Variants in APP observed in about 807,000 individuals in gnomAD.
APP encodes the protein amyloid-beta precursor protein.
APP carries 31 observed loss-of-function variants against 101.4 expected under a neutral mutation model. The ratio of observed to expected loss-of-function variants is 0.31; its 90% CI spans 0.23 to 0.41. APP has a LOEUF of 0.41. APP is among the 10% of genes least tolerant of loss of function. The pLI is 1.00. For missense variants in APP, 839 were observed against 1,003.7 expected (o/e 0.84, Z 2.22); for synonymous variants, 366 against 364.4 (o/e 1.00, Z -0.05).
intron 13 of APP, among the ~76,000 whole-genome samples, chr21:25,944,559 G>A (rs2234983): frequency 0.14 from 21,309 of 152,132 alleles, 1,803 homozygotes; most frequent in Middle Eastern, 0.19. Context: ...TCCAAACTCC[G>A]TCTCACATGA....
At chr21:25,912,051 G>C in intron 13 of APP, 89 bp from the exon 14 acceptor site, 1 of 968,892 alleles carries the variant, frequency 1.0e-6, no homozygotes, top group Non-Finnish European at 1.7e-6. Flanking sequence ...TGCCAGGCAA[G>C]ACTTCAACTG....
chr21:26,167,932 G>C (rs114756038), intron 1 of APP, among the ~76,000 whole-genome samples: 2,120 of 152,190 alleles, frequency 0.014, 47 homozygotes, highest in African/African-American at 0.049. Context: ...CATCAAACCT[G>C]AGCTTTACTA....
chr21:26,144,781 G>A (rs981927086), intron 1 of APP, among the ~76,000 whole-genome samples: 1 of 152,140 alleles, frequency 6.6e-6, no homozygotes, highest in Non-Finnish European at 1.5e-5. Context: ...ATGTCAACTT[G>A]AAAAATGATA....
At chr21:26,124,623 T>C (rs892813793) in intron 1 of APP, among the ~76,000 whole-genome samples, 1 of 152,198 alleles carries the variant, frequency 6.6e-6, no homozygotes, top group African/African-American at 2.4e-5. Flanking sequence ...TTGTCAGAGA[T>C]TTCAGTGTAA....
rs71183538 is a variant in APP at position 26,004,275 on chromosome 21, C to CTTT, written c.866-4096_866-4094dup. Among the ~76,000 whole-genome samples, 266 of 72,782 alleles carry CTTT rather than the reference C, an allele frequency of 3.7e-3. 1 individual carries two copies. The highest frequency in any genetic ancestry group is 4.5e-3 in the African/African-American group (85 of 18,716). 47.7% of individuals were successfully genotyped at this position (72,782 alleles called of 152,430 possible). On this transcript the variant is annotated intron_variant, in intron 6 of 17. Coordinates refer to ENST00000346798, the MANE Select transcript of APP (RefSeq NM_000484.4). Reference sequence around the variant, plus strand: ...TATGCAGGGTCTCTTTGTATTAATTCTTTTTTTTTTTTTTTTTTTTTTTTT... The same window carrying CTTT: ...TATGCAGGGTCTCTTTGTATTAATTCTTTTTTTTTTTTTTTTTTTTTTTTTTTT...
At chr21:25,990,522 G>A (rs2040279) in intron 8 of APP, among the ~76,000 whole-genome samples, 9,307 of 152,166 alleles carry the variant, frequency 0.061, 931 homozygotes, top group African/African-American at 0.21. Flanking sequence ...TCTTGACTTC[G>A]TTAATGGAGG....
chr21:26,098,465 T>C (rs1296419115), intron 2 of APP, among the ~76,000 whole-genome samples: 1 of 152,122 alleles, frequency 6.6e-6, no homozygotes, highest in Non-Finnish European at 1.5e-5. Context: ...AAAAACTTTG[T>C]AAAGCCATAT....
intron 1 of APP, among the ~76,000 whole-genome samples, chr21:26,123,259 T>C (rs979932962): frequency 7.9e-5 from 12 of 152,224 alleles, no homozygotes; most frequent in African/African-American, 2.7e-4. Flanking sequence ...ATAACTCTCA[T>C]ACTGTTGTGG....
At chr21:25,968,334 T>TG (rs1290374543) in intron 11 of APP, among the ~76,000 whole-genome samples, 2 of 149,660 alleles carry the variant, frequency 1.3e-5, no homozygotes, top group African/African-American at 2.5e-5. Flanking sequence ...TTTTTTTTTT[T>TG]TTTTTTTGTA....
chr21:25,959,655 C>T (rs8127122), intron 11 of APP, among the ~76,000 whole-genome samples: 5,103 of 152,190 alleles, frequency 0.034, 271 homozygotes, highest in African/African-American at 0.12. Context: ...TCCATTATTC[C>T]TTAGCTAATG....
chr21:26,072,483 A>G (rs1405651810), intron 3 of APP, among the ~76,000 whole-genome samples: 1 of 152,224 alleles, frequency 6.6e-6, no homozygotes, highest in Admixed American at 6.5e-5. Context: ...AAGTTGAAGT[A>G]TCTGAAATAC....
chr21:26,090,259 T>A (rs574948003), intron 2 of APP, among the ~76,000 whole-genome samples, 187 bp from the exon 3 acceptor site: 1 of 152,160 alleles, frequency 6.6e-6, no homozygotes, highest in African/African-American at 2.4e-5. Flanking sequence ...TACTTACTGG[T>A]TGAGCATCTG....
At chr21:26,114,984 T>C (rs2062404260) in intron 1 of APP, among the ~76,000 whole-genome samples, 1 of 152,188 alleles carries the variant, frequency 6.6e-6, no homozygotes, top group Non-Finnish European at 1.5e-5. Context: ...AATAACTTGA[T>C]TACGGCGCTA....
At chr21:25,976,055 T>TA in intron 9 of APP, 27 bp from the exon 10 acceptor site, 2 of 1,566,216 alleles carry the variant, frequency 1.3e-6, no homozygotes, top group Non-Finnish European at 1.8e-6. Flanking sequence ...CATTTGAATT[T>TA]AAAATCATCA....
At chr21:26,076,237 T>A (rs543699997) in intron 3 of APP, among the ~76,000 whole-genome samples, 2 of 152,290 alleles carry the variant, frequency 1.3e-5, no homozygotes, top group South Asian at 4.1e-4. Context: ...TTTCTTTACG[T>A]ATCCCTCAGG....
intron 1 of APP, among the ~76,000 whole-genome samples, chr21:26,141,210 T>A (rs1417316445): frequency 6.6e-6 from 1 of 152,208 alleles, no homozygotes; most frequent in African/African-American, 2.4e-5. Context: ...GAAAACTTTC[T>A]AAATTATATG....
At chr21:26,167,111 T>C (rs1479785905) in intron 1 of APP, among the ~76,000 whole-genome samples, 2 of 152,240 alleles carry the variant, frequency 1.3e-5, no homozygotes, top group Non-Finnish European at 2.9e-5. Context: ...CATTGTTCCT[T>C]ACTTTTTAAA....
In APP at chr21:26,089,993, C is replaced by A; in HGVS notation, c.305G>T (p.Arg102Leu). ...GTGGGGATGGGTCTTGCACTGCTTG[C>A]GGCCCCGCTTGCACCAGTTCTGGAT... ...VTIQNWCKRG[R>L]KQCKTHPHFV... The change falls in exon 3 of 18, where the codon CGC becomes CTC. Residue 102 changes from arginine (R) to leucine (L), a missense_variant. Transcript: ENST00000346798. 1.9e-6 allele frequency: 3 copies of A among 1,614,190 alleles called. No homozygotes were observed. The highest frequency in any genetic ancestry group is 2.5e-6 in the Non-Finnish European group (3 of 1,180,022).
At position 25,881,509 on chromosome 21, in the gene APP, G is replaced by T; in HGVS notation, c.*161C>A. On this transcript the variant is annotated 3_prime_UTR_variant, in exon 18 of 18. Coordinates refer to ENST00000346798, the MANE Select transcript of APP (RefSeq NM_000484.4). ...ATTACTGATGTGTGGATTAATTCAAGTTCAGGCATCTACTTGTGTTACAGC... is the reference window on the plus strand; with the variant it reads ...ATTACTGATGTGTGGATTAATTCAATTTCAGGCATCTACTTGTGTTACAGC... The T allele has an allele frequency of 1.3e-6, 1 of 771,080 alleles. No homozygotes were observed. The highest frequency in any genetic ancestry group is 2.2e-6 in the Non-Finnish European group (1 of 448,834). 47.8% of individuals were successfully genotyped at this position (771,080 alleles called of 1,614,324 possible).
Sources: gnomAD v4.1 joint callset for allele counts (sites outside exome capture counted in the v4.1 genomes callset) on GRCh38, gnomAD v4.1.1 for gene constraint, MANE v1.5 for transcripts, NCBI Gene and HGNC (gene_info 2026-07-23, HGNC 2026-07-21) for gene names.